Variants in PDK1 observed in about 807,000 individuals in gnomAD.
The protein encoded by PDK1 is pyruvate dehydrogenase kinase 1, also known as [Pyruvate dehydrogenase (acetyl-transferring)] kinase isozyme 1, mitochondrial.
In PDK1, 39 loss-of-function variants were observed where a neutral mutation model predicts 54.2. That is an observed-to-expected ratio of 0.72 (90% CI 0.56 to 0.94). The LOEUF is 0.94. PDK1 is among the 40% of genes least tolerant of loss of function. PDK1 has a pLI of 0.00. For missense variants in PDK1, 552 were observed against 566.0 expected, an observed-to-expected ratio of 0.98 and a Z score of 0.25; for synonymous variants, 221 against 207.1, an observed-to-expected ratio of 1.07 and a Z score of -0.58.
intron 8 of PDK1, among the ~76,000 whole-genome samples, chr2:172,580,895 G>T (rs1689866129): frequency 6.6e-6 from 1 of 152,138 alleles, no homozygotes; most frequent in Non-Finnish European, 1.5e-5. Context: ...TACATGAAAT[G>T]TCCAGAATAG....
intron 8 of PDK1, among the ~76,000 whole-genome samples, chr2:172,572,893 T>C (rs1376439867): frequency 6.6e-6 from 1 of 152,234 alleles, no homozygotes; most frequent in Non-Finnish European, 1.5e-5. Flanking sequence ...CTGACTTCTT[T>C]CACTTAGTAT....
chr2:172,657,392 C>A, the PDK1 span, among the ~76,000 whole-genome samples: 1 of 77,708 alleles, frequency 1.3e-5, no homozygotes, highest in South Asian at 3.6e-4. Flanking sequence ...TGATGACTTC[C>A]AAGTTCTTTT....
At chr2:172,630,938 A>G in the PDK1 span, among the ~76,000 whole-genome samples, 2 of 152,118 alleles carry the variant, frequency 1.3e-5, no homozygotes, top group African/African-American at 2.4e-5. Context: ...CCACCCTCTC[A>G]TGGAACCTTA....
chr2:172,648,028 G>A, the PDK1 span, among the ~76,000 whole-genome samples: 122,563 of 152,226 alleles, frequency 0.81, 49,569 homozygotes, highest in African/African-American at 0.88. Context: ...GTAACCTTCA[G>A]AAGTTTCAAA....
intron 2 of PDK1, 72 bp from the exon 3 acceptor site, chr2:172,562,148 T>G: frequency 1.5e-5 from 12 of 794,020 alleles, no homozygotes; most frequent in Non-Finnish European, 2.3e-5. Context: ...AAATAGCTTT[T>G]GAGCTAATTT....
At chr2:172,584,586 T>C (rs539303746) in intron 8 of PDK1, among the ~76,000 whole-genome samples, 14 of 152,052 alleles carry the variant, frequency 9.2e-5, no homozygotes, top group African/African-American at 3.4e-4. Context: ...TGCATGCTTT[T>C]CTGCTTATTT....
intron 9 of PDK1, among the ~76,000 whole-genome samples, chr2:172,588,489 G>A (rs1690384337): frequency 6.6e-6 from 1 of 152,186 alleles, no homozygotes; most frequent in South Asian, 2.1e-4. Flanking sequence ...ATGGTGCCTG[G>A]CTCATGGTAA....
At chr2:172,637,814 G>T in the PDK1 span, among the ~76,000 whole-genome samples, 1 of 152,132 alleles carries the variant, frequency 6.6e-6, no homozygotes, top group Admixed American at 6.6e-5. Flanking sequence ...TCGTGCCTCA[G>T]CCTCCCGAGC....
At chr2:172,703,214 G>T in the PDK1 span, among the ~76,000 whole-genome samples, 2 of 152,174 alleles carry the variant, frequency 1.3e-5, no homozygotes, top group South Asian at 2.1e-4. Flanking sequence ...ACTGGGAGTT[G>T]AGTTGAAAGA....
At chr2:172,708,265 G>T in the PDK1 span, among the ~76,000 whole-genome samples, 1 of 151,164 alleles carries the variant, frequency 6.6e-6, no homozygotes, top group Non-Finnish European at 1.5e-5. Context: ...GTCCAGCCTG[G>T]GCGACAGAGT....
At chr2:172,574,164 C>A (rs112365561) in intron 8 of PDK1, among the ~76,000 whole-genome samples, 2,889 of 152,156 alleles carry the variant, frequency 0.019, 101 homozygotes, top group African/African-American at 0.066. Context: ...TCCAGTTGTC[C>A]CAGTACTATT....
Position 172,586,341 on chromosome 2 carries a change from T to A in PDK1, c.1009T>A (p.Ser337Thr). The change falls in exon 9 of 11, where the codon TCA becomes ACA. Residue 337 changes from serine (S) to threonine (T), a missense_variant. By Grantham distance (58) the Ser-to-Thr change is moderately conservative (BLOSUM62 1). Transcript: ENST00000282077. ...KIDRLFNYMY[S>T]TAPRPRVETS... The stretch of plus-strand genomic sequence containing the variant: ...TGACAGACTTTTCAACTACATGTAT[T>A]CAACTGCACCAAGACCTCGTGTTGA... 1 of 1,613,250 alleles carries A rather than the reference T, an allele frequency of 6.2e-7. No homozygotes were observed. Among genetic ancestry groups the A allele is most frequent in the Non-Finnish European group, 8.5e-7 (1 of 1,179,324 alleles).
At chr2:172,587,222 A>G (rs752123987) in intron 9 of PDK1, among the ~76,000 whole-genome samples, 5 of 152,176 alleles carry the variant, frequency 3.3e-5, no homozygotes, top group African/African-American at 7.2e-5. Context: ...GTTCTTAAAG[A>G]TGGTGTATCC....
At chr2:172,667,992 T>A in the PDK1 span, among the ~76,000 whole-genome samples, 2 of 152,226 alleles carry the variant, frequency 1.3e-5, no homozygotes, top group African/African-American at 4.8e-5. Flanking sequence ...CTTGAGAAAG[T>A]CTCAATAATA....
At chr2:172,714,061 A>C in the PDK1 span, among the ~76,000 whole-genome samples, 1 of 152,220 alleles carries the variant, frequency 6.6e-6, no homozygotes, top group Non-Finnish European at 1.5e-5. Flanking sequence ...CTGGGAACAA[A>C]ACACTGGTAC....
intron 2 of PDK1, among the ~76,000 whole-genome samples, chr2:172,559,513 A>G (rs1194215252): frequency 6.6e-6 from 1 of 152,154 alleles, no homozygotes. Flanking sequence ...CACAGTGGGT[A>G]TGATTCTCTC....
intron 8 of PDK1, 46 bp from the exon 9 acceptor site, chr2:172,586,232 T>C: frequency 9.0e-7 from 1 of 1,107,670 alleles, no homozygotes; most frequent in Non-Finnish European, 1.4e-6. Context: ...GATATTTTGC[T>C]GTTTTGAGGA....
intron 9 of PDK1, among the ~76,000 whole-genome samples, chr2:172,589,666 C>T (rs1690462503): frequency 6.6e-6 from 1 of 152,256 alleles, no homozygotes; most frequent in Non-Finnish European, 1.5e-5. Flanking sequence ...GTAGAAAAGT[C>T]AAGTTATAGT....
intron 10 of PDK1, among the ~76,000 whole-genome samples, chr2:172,593,750 G>T (rs148697802): frequency 6.6e-6 from 1 of 152,224 alleles, no homozygotes; most frequent in African/African-American, 2.4e-5. Context: ...TAGTCTGCTT[G>T]CCTGGAGTGT....
Sources: gnomAD v4.1 joint callset for allele counts (sites outside exome capture counted in the v4.1 genomes callset) on GRCh38, gnomAD v4.1.1 for gene constraint, MANE v1.5 for transcripts, NCBI Gene and HGNC (gene_info 2026-07-23, HGNC 2026-07-21) for gene names.